SPHKAP: variants seen among roughly 807,000 people sequenced by gnomAD.
The protein encoded by SPHKAP is A-kinase anchor protein SPHKAP.
In SPHKAP, 67 loss-of-function variants were observed where a neutral mutation model predicts 137.5. The observed-to-expected ratio is 0.49, with a 90% CI of 0.40 to 0.60. SPHKAP has a LOEUF of 0.60. Among genes scored for constraint, SPHKAP ranks in the 20% least tolerant of loss-of-function variants. SPHKAP has a pLI of 0.00. For synonymous variants in SPHKAP, 813 were observed against 785.3 expected, an observed-to-expected ratio of 1.04 and a Z score of -0.59; for missense variants, 2,097 against 2,069.3, an observed-to-expected ratio of 1.01 and a Z score of -0.26.
intron 1 of SPHKAP, among the ~76,000 whole-genome samples, chr2:228,133,319 A>G (rs1228717463): frequency 4.7e-5 from 2 of 42,656 alleles, no homozygotes; most frequent in Non-Finnish European, 6.0e-5. Context: ...ATAAATAAAT[A>G]AATAAATAAA....
At chr2:228,003,649 A>G (rs969615540) in intron 7 of SPHKAP, among the ~76,000 whole-genome samples, 4 of 152,198 alleles carry the variant, frequency 2.6e-5, no homozygotes, top group African/African-American at 9.7e-5. Flanking sequence ...CCAGTTTTCA[A>G]AGGGAATACT....
intron 3 of SPHKAP, among the ~76,000 whole-genome samples, chr2:228,037,311 CA>C (rs1695660081): frequency 6.6e-6 from 1 of 152,196 alleles, no homozygotes; most frequent in African/African-American, 2.4e-5. Context: ...AAAGAGGACC[CA>C]ATCTTGCACT....
At chr2:228,116,197 G>A (rs1698706159) in intron 2 of SPHKAP, among the ~76,000 whole-genome samples, 1 of 152,092 alleles carries the variant, frequency 6.6e-6, no homozygotes, top group Non-Finnish European at 1.5e-5. Flanking sequence ...AGGGAAAGCT[G>A]GACACACACA....
intron 1 of SPHKAP, among the ~76,000 whole-genome samples, chr2:228,148,207 G>T (rs1429881080): frequency 1.3e-5 from 2 of 152,164 alleles, no homozygotes; most frequent in Non-Finnish European, 2.9e-5. Flanking sequence ...AGGTTGTATG[G>T]CTACTCTTGC....
intron 3 of SPHKAP, among the ~76,000 whole-genome samples, chr2:228,048,479 T>C (rs1401233746): frequency 1.3e-5 from 2 of 152,214 alleles, no homozygotes; most frequent in Non-Finnish European, 2.9e-5. Context: ...CTTTATCATG[T>C]AGAACTGTTT....
At chr2:228,069,437 C>A (rs1364666349) in intron 3 of SPHKAP, among the ~76,000 whole-genome samples, 3 of 100,726 alleles carry the variant, frequency 3.0e-5, no homozygotes. Context: ...CCTCTTTTTT[C>A]TTTCTTTCTT....
intron 3 of SPHKAP, among the ~76,000 whole-genome samples, chr2:228,033,847 A>T (rs567511572): frequency 2.0e-5 from 3 of 152,372 alleles, no homozygotes; most frequent in Admixed American, 2.0e-4. Flanking sequence ...CAAAGACACA[A>T]CATACCAGAA....
chr2:228,084,997 G>A (rs954115268), intron 3 of SPHKAP, among the ~76,000 whole-genome samples: 4 of 152,168 alleles, frequency 2.6e-5, no homozygotes, highest in African/African-American at 7.2e-5. Context: ...AACAGAATGC[G>A]TTTCACAGAC....
At chr2:228,165,319 G>A (rs1427522919) in intron 1 of SPHKAP, among the ~76,000 whole-genome samples, 3 of 152,100 alleles carry the variant, frequency 2.0e-5, no homozygotes, top group Non-Finnish European at 4.4e-5. Flanking sequence ...ATTGATCTAT[G>A]TGCTGTCTTT....
chr2:228,048,581 AC>A (rs1362427972), intron 3 of SPHKAP, among the ~76,000 whole-genome samples: 1 of 152,048 alleles, frequency 6.6e-6, no homozygotes, highest in African/African-American at 2.4e-5. Flanking sequence ...ATAATACTGT[AC>A]TTTTACTGTA....
chr2:228,016,319 C>A, intron 7 of SPHKAP, 87 bp downstream of exon 7: 1 of 1,474,274 alleles, frequency 6.8e-7, no homozygotes, highest in Non-Finnish European at 8.9e-7. Flanking sequence ...CAATCAAATC[C>A]TTTATGTCTA....
rs58091970 is a variant in SPHKAP at position 228,055,142 on chromosome 2, C to CAAAAAA, written c.247-27605_247-27600dup. Among the ~76,000 whole-genome samples the CAAAAAA allele has an allele frequency of 2.4e-4, 15 of 61,328 alleles. 1 individual carries two copies. The highest frequency in any genetic ancestry group is 4.0e-4 in the African/African-American group (7 of 17,666). The allele number at this position is 61,328 out of a possible 152,430, so 40.2% of individuals were successfully genotyped here. A position where few individuals can be genotyped will look rare whatever the true frequency, so the allele number is the denominator to read the frequency against. On this transcript the variant is annotated intron_variant, in intron 3 of 11. Transcript: ENST00000392056. ...GGGCAAAAAGAGTGAAACTCCACTC[C>CAAAAAA]AAAAAAAAAAAAAAAAAGTGGTTTG...
chr2:228,022,863 A>G (rs1273586818), intron 5 of SPHKAP, among the ~76,000 whole-genome samples: 1 of 152,204 alleles, frequency 6.6e-6, no homozygotes, highest in Non-Finnish European at 1.5e-5. Flanking sequence ...CTCTACTACT[A>G]GTACTTCAGA....
chr2:227,993,906 A>T (rs983529062), intron 8 of SPHKAP: 2 of 306,874 alleles, frequency 6.5e-6, no homozygotes, highest in Non-Finnish European at 9.5e-6. Context: ...GGTAGATCAC[A>T]CCTAGGGGGT....
rs550529170 is a variant in SPHKAP, at chr2:228,043,767, T to C, written c.247-16224A>G. ...GTGATAAATTGAACATAATATTGCA[T>C]GCTTTACAATTTTGTAGAATTTTAT... On this transcript the variant is annotated intron_variant, in intron 3 of 11. Transcript: ENST00000392056. Among the ~76,000 whole-genome samples the C allele has an allele frequency of 8.5e-5, 13 of 152,350 alleles. No individual in the cohort carries two copies. In the South Asian group the frequency reaches 2.7e-3, roughly 32 times the overall value.
intron 7 of SPHKAP, among the ~76,000 whole-genome samples, chr2:228,015,843 G>C (rs1694562896): frequency 6.6e-6 from 1 of 152,066 alleles, no homozygotes; most frequent in Non-Finnish European, 1.5e-5. Flanking sequence ...CTATGGAGAA[G>C]AAAAATGAGA....
At chr2:228,116,743 A>G (rs1698723562) in intron 2 of SPHKAP, among the ~76,000 whole-genome samples, 2 of 152,124 alleles carry the variant, frequency 1.3e-5, no homozygotes, top group African/African-American at 4.8e-5. Flanking sequence ...AACAGATTCT[A>G]ATTCAGCTCT....
At chr2:228,015,571 G>T (rs533926470) in intron 7 of SPHKAP, among the ~76,000 whole-genome samples, 6 of 152,310 alleles carry the variant, frequency 3.9e-5, no homozygotes, top group Admixed American at 3.9e-4. Context: ...AAAATATAAG[G>T]TGTAAAAGGA....
chr2:228,085,985 A>G (rs1330225211), intron 3 of SPHKAP, among the ~76,000 whole-genome samples: 2 of 152,206 alleles, frequency 1.3e-5, no homozygotes, highest in Non-Finnish European at 2.9e-5. Flanking sequence ...AACAGAAGAC[A>G]TGAAACTGTG....
Sources: gnomAD v4.1 joint callset for allele counts (sites outside exome capture counted in the v4.1 genomes callset) on GRCh38, gnomAD v4.1.1 for gene constraint, MANE v1.5 for transcripts, NCBI Gene and HGNC (gene_info 2026-07-23, HGNC 2026-07-21) for gene names.